Variants in RYR2 observed in about 807,000 individuals in gnomAD.
RYR2 encodes the protein cardiac muscle ryanodine receptor-calcium release channel.
Under a neutral mutation model 601.1 loss-of-function variants are expected in RYR2, and 227 were observed. The observed-to-expected ratio is 0.38, with a 90% confidence interval of 0.34 to 0.42. The LOEUF is 0.42. RYR2 is among the 10% of genes least tolerant of loss of function. The pLI, the probability that RYR2 is intolerant of heterozygous loss-of-function variation, is 1.00. For synonymous variants in RYR2, 2,223 were observed against 2,175.1 expected (o/e 1.02, Z -0.61); for missense variants, 4,646 against 6,156.5 (o/e 0.75, Z 8.21).
intron 1 of RYR2, among the ~76,000 whole-genome samples, chr1:237,134,938 C>T (rs1229108853): frequency 6.6e-6 from 1 of 152,128 alleles, no homozygotes; most frequent in Admixed American, 6.6e-5. Context: ...CTGTTAGCCT[C>T]AATCACTGTA....
chr1:237,188,725 T>G (rs1679644129), intron 1 of RYR2, among the ~76,000 whole-genome samples: 1 of 151,348 alleles, frequency 6.6e-6, no homozygotes, highest in Non-Finnish European at 1.5e-5. Context: ...ACCACCACAC[T>G]AGGCTAATTT....
At chr1:237,443,413 T>A (rs928111482) in intron 13 of RYR2, among the ~76,000 whole-genome samples, 2 of 152,158 alleles carry the variant, frequency 1.3e-5, no homozygotes, top group African/African-American at 2.4e-5. Flanking sequence ...CTTAGCTTTT[T>A]AAAAATAGCA....
intron 1 of RYR2, among the ~76,000 whole-genome samples, chr1:237,114,275 C>A (rs1669821029): frequency 6.6e-6 from 1 of 152,250 alleles, no homozygotes; most frequent in Non-Finnish European, 1.5e-5. Flanking sequence ...CTTTTTTCTT[C>A]CTACTTATTG....
intron 3 of RYR2, among the ~76,000 whole-genome samples, chr1:237,335,026 A>G (rs1558641879): frequency 6.6e-6 from 1 of 152,126 alleles, no homozygotes; most frequent in Admixed American, 6.6e-5. Flanking sequence ...TTGGACTGCT[A>G]TTAATTCCTG....
intron 63 of RYR2, among the ~76,000 whole-genome samples, chr1:237,696,795 A>G (rs1005586245): frequency 1.9e-4 from 29 of 152,040 alleles, no homozygotes; most frequent in African/African-American, 6.5e-4. Flanking sequence ...CATTCAATCC[A>G]TAAGTAAATC....
intron 2 of RYR2, among the ~76,000 whole-genome samples, chr1:237,277,060 A>G (rs1233120497): frequency 6.6e-6 from 1 of 152,234 alleles, no homozygotes; most frequent in Non-Finnish European, 1.5e-5. Flanking sequence ...TTGCATTAAA[A>G]TCTTTATCAT....
chr1:237,755,176 G>A, intron 80 of RYR2: 1 of 1,057,438 alleles, frequency 9.5e-7, no homozygotes, highest in South Asian at 1.5e-5. Flanking sequence ...TTTTTCATTT[G>A]TTTGAGCCCA....
intron 29 of RYR2, among the ~76,000 whole-genome samples, chr1:237,574,253 A>C (rs546575766): frequency 6.6e-6 from 1 of 152,212 alleles, no homozygotes; most frequent in Non-Finnish European, 1.5e-5. Context: ...AGCAGTTTTT[A>C]GATGAGCTTA....
intron 100 of RYR2, among the ~76,000 whole-genome samples, chr1:237,811,672 CA>C (rs1258270466): frequency 3.9e-5 from 6 of 152,174 alleles, no homozygotes; most frequent in Non-Finnish European, 7.3e-5. Flanking sequence ...CTTGGAACTT[CA>C]AAAAGGGATG....
Position 237,638,104 on chromosome 1 carries a change from G to GAA in RYR2, c.6793-243_6793-242dup, listed in dbSNP as rs34788513. 0.55 allele frequency among the ~76,000 whole-genome samples: 80,450 copies of GAA among 146,870 alleles called. 22,456 individuals are homozygous for GAA. The highest frequency in any genetic ancestry group is 0.72 in the East Asian group (3,639 of 5,080). On this transcript the variant is annotated intron_variant, in intron 44 of 104. Coordinates refer to ENST00000366574, the MANE Select transcript of RYR2 (RefSeq NM_001035.3). ...AAAGAATGTCTGCTTAGAGAGAGCT[G>GAA]AAAAAAAAAAAGCTTATAGTAGGAT...
chr1:237,608,804 T>G (rs984486907), intron 35 of RYR2, among the ~76,000 whole-genome samples: 1 of 124,640 alleles, frequency 8.0e-6, no homozygotes, highest in African/African-American at 4.6e-5. Flanking sequence ...CTGTTTTTTT[T>G]TTTTTTTTTT....
rs1022601989 is a variant in RYR2, at chr1:237,180,560, A to T, written c.49-89937A>T. On this transcript the variant is annotated intron_variant, in intron 1 of 104. Transcript: ENST00000366574. The surrounding 1 kb of genome is among the most constrained non-coding windows in gnomAD (Gnocchi z 5.3). Reference sequence around the variant, plus strand: ...TTGGCTCAGATTGAAAAAAACCCAAATATATATATGTGTGTGTGTGTATAT... The same window carrying T: ...TTGGCTCAGATTGAAAAAAACCCAATTATATATATGTGTGTGTGTGTATAT... Among the ~76,000 whole-genome samples the T allele has an allele frequency of 2.0e-5, 3 of 150,368 alleles. No individual in the cohort carries two copies. The highest frequency in any genetic ancestry group is 7.3e-5 in the African/African-American group (3 of 41,006).
chr1:237,511,586 T>C, intron 23 of RYR2, 102 bp from the exon 24 acceptor site: 2 of 888,532 alleles, frequency 2.3e-6, no homozygotes, highest in Non-Finnish European at 3.6e-6. Flanking sequence ...ATCTGGGTGT[T>C]TCTTCTTGCC....
At chr1:237,780,860 G>T (rs1171071190) in intron 88 of RYR2, among the ~76,000 whole-genome samples, 1 of 152,030 alleles carries the variant, frequency 6.6e-6, no homozygotes, top group East Asian at 1.9e-4. Context: ...TCTTCTATAT[G>T]AAGTTGATTT....
chr1:237,322,088 G>T (rs939679412), intron 2 of RYR2, among the ~76,000 whole-genome samples: 1 of 152,082 alleles, frequency 6.6e-6, no homozygotes, highest in Non-Finnish European at 1.5e-5. Context: ...AGCTTGATTT[G>T]TTCAAACTGA....
chr1:237,337,776 A>G (rs1490093356), intron 3 of RYR2, among the ~76,000 whole-genome samples: 3 of 152,168 alleles, frequency 2.0e-5, no homozygotes, highest in Admixed American at 6.5e-5. Flanking sequence ...AAATACAAAA[A>G]CAAAACTACA....
rs142457162 is a variant in RYR2, at chr1:237,707,873, G to T, written c.9901+604G>T. ...TGCAACCTCCGCCTCCCGGGTTCAA[G>T]TGATTCTCCTGCCTCAGCCTCCCGG... On this transcript the variant is annotated intron_variant, in intron 68 of 104. Transcript: ENST00000366574. Among the ~76,000 whole-genome samples, 161 of 151,822 alleles carry T rather than the reference G, an allele frequency of 1.1e-3. 1 individual carries two copies. The highest frequency in any genetic ancestry group is 3.1e-3 in the African/African-American group (130 of 41,422).
chr1:237,298,140 T>C (rs533838228), intron 2 of RYR2, among the ~76,000 whole-genome samples: 1 of 152,234 alleles, frequency 6.6e-6, no homozygotes, highest in African/African-American at 2.4e-5. Context: ...ATCATTCTCT[T>C]AACCAACCAC....
At chr1:237,827,310 A>G (rs962591920) in intron 101 of RYR2, among the ~76,000 whole-genome samples, 5 of 152,166 alleles carry the variant, frequency 3.3e-5, no homozygotes, top group Non-Finnish European at 4.4e-5. Flanking sequence ...CAATGAAATT[A>G]TGGAAGCTTA....
Sources: allele counts gnomAD v4.1 joint callset (sites outside exome capture counted in the v4.1 genomes callset), GRCh38; gene constraint gnomAD v4.1.1; non-coding constraint Gnocchi (gnomAD v3.1); transcripts MANE v1.5; gene names NCBI Gene and HGNC (gene_info 2026-07-23, HGNC 2026-07-21).